Variants in ADCY2 observed in about 807,000 individuals in gnomAD.
ADCY2 encodes adenylate cyclase type 2.
Under a neutral mutation model 125.2 loss-of-function variants are expected in ADCY2, and 31 were observed. The ratio of observed to expected loss-of-function variants is 0.25; its 90% CI spans 0.19 to 0.33. The LOEUF (loss-of-function observed/expected upper bound fraction) is 0.33. Ranked by LOEUF, ADCY2 falls within the 10% of genes least tolerant of loss-of-function variation. The probability of loss-of-function intolerance (pLI) is 1.00; values close to 1 mark genes in which losing one functional copy is unlikely to be tolerated. For missense variants in ADCY2, 904 were observed against 1,418.2 expected (o/e 0.64, Z 5.82); for synonymous variants, 512 against 548.4 (o/e 0.93, Z 0.93).
intron 22 of ADCY2, among the ~76,000 whole-genome samples, chr5:7,813,646 G>A (rs1237497163): frequency 6.6e-6 from 1 of 152,180 alleles, no homozygotes; most frequent in East Asian, 1.9e-4. Context: ...AGTTCTTCTA[G>A]AGACTGAACA....
At chr5:7,812,454 A>G (rs1344699640) in intron 22 of ADCY2, among the ~76,000 whole-genome samples, 1 of 152,222 alleles carries the variant, frequency 6.6e-6, no homozygotes, top group African/African-American at 2.4e-5. Context: ...ACACTTAGCC[A>G]TAAAACAATA....
chr5:7,749,799 G>C (rs542573742), intron 15 of ADCY2: 9 of 152,352 alleles, frequency 5.9e-5, no homozygotes, highest in African/African-American at 1.9e-4. Flanking sequence ...CTTCCAGGCA[G>C]AGATAAAAGC....
intron 16 of ADCY2, among the ~76,000 whole-genome samples, chr5:7,763,239 C>T (rs536016175): frequency 1.5e-3 from 221 of 152,068 alleles, no homozygotes; most frequent in Non-Finnish European, 2.8e-3. Flanking sequence ...TACAGGCGCC[C>T]GCCACCACGC....
intron 4 of ADCY2, among the ~76,000 whole-genome samples, chr5:7,676,211 C>T (rs1477252219): frequency 6.6e-6 from 1 of 152,166 alleles, no homozygotes; most frequent in Non-Finnish European, 1.5e-5. Context: ...ATTTAAGGAT[C>T]TTCTGCTCTG....
intron 2 of ADCY2, among the ~76,000 whole-genome samples, chr5:7,465,348 C>T (rs1742076526): frequency 6.6e-6 from 1 of 152,162 alleles, no homozygotes; most frequent in African/African-American, 2.4e-5. Context: ...ATGGATGCGT[C>T]CTAAGTCCAG....
chr5:7,780,802 A>G lies in ADCY2; in HGVS notation c.2385-3563A>G, dbSNP rs184364604. On this transcript the variant is annotated intron_variant, in intron 18 of 24. Coordinates refer to ENST00000338316, the MANE Select transcript of ADCY2 (RefSeq NM_020546.3). ...AAAATGTCCTTTTTTACTCCATCTG[A>G]AGTGTTTGCCTTCAGGTTAGAGGCT... Among the ~76,000 whole-genome samples the G allele has an allele frequency of 1.6e-3, 241 of 149,840 alleles. 1 individual carries two copies. Among genetic ancestry groups the G allele is most frequent in the African/African-American group, 5.7e-3 (236 of 41,406 alleles).
At chr5:7,616,593 G>T (rs1004528556) in intron 3 of ADCY2, among the ~76,000 whole-genome samples, 1 of 152,174 alleles carries the variant, frequency 6.6e-6, no homozygotes, top group Non-Finnish European at 1.5e-5. Flanking sequence ...CCATCTTGGT[G>T]CACATTAAAC....
intron 4 of ADCY2, among the ~76,000 whole-genome samples, chr5:7,676,197 G>C (rs1403066142): frequency 6.6e-6 from 1 of 152,162 alleles, no homozygotes; most frequent in African/African-American, 2.4e-5. Flanking sequence ...TGAGAGTTTT[G>C]AACATTTAAG....
At chr5:7,756,578 A>G (rs1299210195) in intron 15 of ADCY2, among the ~76,000 whole-genome samples, 1 of 152,222 alleles carries the variant, frequency 6.6e-6, no homozygotes. Flanking sequence ...TAAGCCAGTC[A>G]CAAAAGGAGA....
Position 7,593,204 on chromosome 5 carries a change from C to A in ADCY2, c.571-32963C>A, listed in dbSNP as rs999290724. On this transcript the variant is annotated intron_variant, in intron 3 of 24. Transcript: ENST00000338316. Reference sequence around the variant, plus strand: ...AAATTTGAACAAAAATTCTGGGCTTCATCTGGGACTAGGCAATGGAGAAAA... The same window carrying A: ...AAATTTGAACAAAAATTCTGGGCTTAATCTGGGACTAGGCAATGGAGAAAA... 2.0e-5 allele frequency among the ~76,000 whole-genome samples: 3 copies of A among 152,120 alleles called. No homozygotes were observed. The East Asian group carries it at 5.8e-4, about 29-fold the overall frequency.
chr5:7,455,868 A>T (rs2126428925), intron 2 of ADCY2, among the ~76,000 whole-genome samples: 1 of 147,942 alleles, frequency 6.8e-6, no homozygotes, highest in Non-Finnish European at 1.5e-5. Context: ...GTACATTGTT[A>T]TAAAATTGCA....
At chr5:7,482,948 T>C (rs1742793269) in intron 2 of ADCY2, among the ~76,000 whole-genome samples, 1 of 151,800 alleles carries the variant, frequency 6.6e-6, no homozygotes, top group Non-Finnish European at 1.5e-5. Context: ...CTCACTCTTA[T>C]GTGGGAGCTA....
At chr5:7,540,404 A>G (rs1048528691) in intron 3 of ADCY2, among the ~76,000 whole-genome samples, 3 of 152,222 alleles carry the variant, frequency 2.0e-5, no homozygotes, top group Admixed American at 2.0e-4. Context: ...GTTTTTATCT[A>G]ATTGGTCTCA....
intron 3 of ADCY2, among the ~76,000 whole-genome samples, chr5:7,558,454 T>A (rs1050544205): frequency 6.6e-6 from 1 of 152,238 alleles, no homozygotes; most frequent in Non-Finnish European, 1.5e-5. Context: ...GAGCTTTTTA[T>A]TATATGATTG....
rs1054211243 is a variant in ADCY2 at position 7,802,642 on chromosome 5, G to T, written c.2775+278G>T. Among the ~76,000 whole-genome samples the T allele has an allele frequency of 2.0e-5, 3 of 152,170 alleles. No homozygotes were observed. The highest frequency in any genetic ancestry group is 7.2e-5 in the African/African-American group (3 of 41,434). On this transcript the variant is annotated intron_variant, in intron 21 of 24. Coordinates refer to ENST00000338316, the MANE Select transcript of ADCY2 (RefSeq NM_020546.3). The surrounding 1 kb of genome is among the most constrained non-coding windows in gnomAD (Gnocchi z 4.6). The stretch of plus-strand genomic sequence containing the variant: ...AGTGTGCTAGTGGATTCTTTACAAA[G>T]GCTTGAATTCGCGGTAAAATACTTG...
rs529767422 is a variant in ADCY2, at chr5:7,602,513, C to A, written c.571-23654C>A. On this transcript the variant is annotated intron_variant, in intron 3 of 24. Transcript: ENST00000338316. ...TACCTTTCAACATTTTGCCCAAGTT[C>A]TACCTACAAGAAGTCTCCTCTAGTT... Among the ~76,000 whole-genome samples, 7 of 152,318 alleles carry A rather than the reference C, an allele frequency of 4.6e-5. No homozygotes were observed. The East Asian group carries it at 1.4e-3, about 29-fold the overall frequency.
chr5:7,772,802 C>T, intron 17 of ADCY2, 130 bp from the exon 18 acceptor site: 2 of 768,610 alleles, frequency 2.6e-6, no homozygotes, highest in Non-Finnish European at 4.0e-6. Context: ...AGATGAGAAA[C>T]AAGCCTCTGT....
chr5:7,797,777 T>A (rs1367496632), intron 20 of ADCY2: 1 of 152,338 alleles, frequency 6.6e-6, no homozygotes, highest in Non-Finnish European at 1.5e-5. Context: ...TTGGGTAGAA[T>A]GTAGTGGGGA....
At chr5:7,412,647 T>G (rs571684698) in intron 1 of ADCY2, among the ~76,000 whole-genome samples, 2 of 152,392 alleles carry the variant, frequency 1.3e-5, no homozygotes, top group African/African-American at 4.8e-5. Context: ...ACATCTCATT[T>G]GATCTACTTG....
Sources: allele counts gnomAD v4.1 joint callset (sites outside exome capture counted in the v4.1 genomes callset), GRCh38; gene constraint gnomAD v4.1.1; non-coding constraint Gnocchi (gnomAD v3.1); transcripts MANE v1.5; gene names NCBI Gene and HGNC (gene_info 2026-07-23, HGNC 2026-07-21).